SLC16A4: variants seen among roughly 807,000 people sequenced by gnomAD.
SLC16A4 encodes the protein solute carrier family 16 member 4.
A neutral mutation model predicts 47.9 loss-of-function variants in SLC16A4; 39 were observed. That is an observed-to-expected ratio of 0.81 (90% confidence interval 0.63 to 1.06). SLC16A4 has a LOEUF of 1.06. Ranked by LOEUF, SLC16A4 falls within the 50% of genes least tolerant of loss-of-function variation. SLC16A4 has a pLI of 0.00. For missense variants in SLC16A4, 524 were observed against 573.8 expected (o/e 0.91, Z 0.89); for synonymous variants, 189 against 199.9 (o/e 0.95, Z 0.46).
At chr1:110,383,884 C>G (rs183281323) in intron 2 of SLC16A4, among the ~76,000 whole-genome samples, 1 of 140,942 alleles carries the variant, frequency 7.1e-6, no homozygotes, top group Admixed American at 7.7e-5. Context: ...CTAAGTTTCC[C>G]CCAAAGTTAG....
rs1326324266 is a variant in SLC16A4, at chr1:110,381,154, A to G, written c.365-11T>C. 6.2e-7 allele frequency: 1 copy of G among 1,612,662 alleles called. No homozygotes were observed. The highest frequency in any genetic ancestry group is 1.3e-5 in the African/African-American group (1 of 74,808). Reference sequence around the variant, plus strand: ...AAGCAGAACCCAAACCTAAAAGAAAAACGTAATAGTTTAGAATCACTCTTA... The same window carrying G: ...AAGCAGAACCCAAACCTAAAAGAAAGACGTAATAGTTTAGAATCACTCTTA... On this transcript the variant is annotated splice_polypyrimidine_tract_variant and intron_variant, in intron 4 of 8. Coordinates refer to ENST00000369779, the MANE Select transcript of SLC16A4 (RefSeq NM_004696.3).
intron 8 of SLC16A4, among the ~76,000 whole-genome samples, chr1:110,364,616 T>C (rs1044397826): frequency 1.3e-5 from 2 of 150,972 alleles, no homozygotes; most frequent in African/African-American, 4.9e-5. Context: ...GTTCAAGCAG[T>C]TCTCCTGCCT....
intron 6 of SLC16A4, among the ~76,000 whole-genome samples, chr1:110,377,647 T>C (rs989312124): frequency 6.6e-6 from 1 of 152,180 alleles, no homozygotes; most frequent in Non-Finnish European, 1.5e-5. Flanking sequence ...TACGAAGTTT[T>C]AGGAAGTAAG....
intron 2 of SLC16A4, among the ~76,000 whole-genome samples, chr1:110,383,167 T>C (rs1467141353): frequency 6.6e-6 from 1 of 152,204 alleles, no homozygotes; most frequent in Non-Finnish European, 1.5e-5. Flanking sequence ...TGGAAACATC[T>C]CATTTAATCC....
At position 110,382,332 on chromosome 1, in the gene SLC16A4, G is replaced by A. The variant is rs531739439; in HGVS notation, c.220+502C>T. 1.6e-3 allele frequency among the ~76,000 whole-genome samples: 240 copies of A among 152,166 alleles called. 2 individuals are homozygous for A. Among genetic ancestry groups the A allele is most frequent in the African/African-American group, 5.2e-3 (217 of 41,524 alleles). ...AAATTAGCCAGGCATGGTGGCGGGCGCCTGTAATCCCAGCTAGTTGGGAGG... is the reference window on the plus strand; with the variant it reads ...AAATTAGCCAGGCATGGTGGCGGGCACCTGTAATCCCAGCTAGTTGGGAGG... On this transcript the variant is annotated intron_variant, in intron 3 of 8. Transcript: ENST00000369779.
In SLC16A4 at chr1:110,375,504, G is replaced by A. The variant is rs150710489; in HGVS notation, c.1290C>T (p.Ala430=). 9.0e-5 allele frequency: 145 copies of A among 1,613,346 alleles called. 1 individual carries two copies. In the African/African-American group the frequency reaches 1.7e-3, roughly 19 times the overall value. ...GGACAGCCATCCCAGCAAAGAAACT[G>A]GCAAGTCCCAAAAACCTGTTTACTG... is the stretch of plus-strand genomic sequence containing the variant. ...NSTVNRFLGL[A]SFFAGMAVLS... is the part of the protein sequence containing the mutation. The change falls in exon 8 of 9, where the codon GCC becomes GCT. Residue 430 remains alanine (A), a synonymous_variant. Transcript: ENST00000369779.
chr1:110,366,997 T>G lies in SLC16A4; in HGVS notation c.1337-3104A>C, dbSNP rs943113320. Among the ~76,000 whole-genome samples, 6 of 152,232 alleles carry G rather than the reference T, an allele frequency of 3.9e-5. No individual in the cohort carries two copies. In the East Asian group the frequency reaches 1.2e-3, roughly 29 times the overall value. On this transcript the variant is annotated intron_variant, in intron 8 of 8. Coordinates refer to ENST00000369779, the MANE Select transcript of SLC16A4 (RefSeq NM_004696.3). ...TAGTATACAGCTGAGTATTTAGTTT[T>G]AGGATGCTGTTTATACTAGCAAATA...
intron 6 of SLC16A4, 119 bp from the exon 7 acceptor site, chr1:110,377,280 AT>A (rs1211507286): frequency 2.7e-5 from 21 of 771,748 alleles, no homozygotes; most frequent in South Asian, 5.4e-5. Context: ...GAGGAAAAAA[AT>A]GATTTGATTT....
chr1:110,384,639 C>G (rs61787382), intron 2 of SLC16A4, among the ~76,000 whole-genome samples: 7 of 152,178 alleles, frequency 4.6e-5, no homozygotes, highest in Admixed American at 2.6e-4. Context: ...CCCAGGTGTA[C>G]TCTCTGTCTC....
chr1:110,377,007 G>A lies in SLC16A4; in HGVS notation c.1185C>T (p.Tyr395=). 6.2e-7 allele frequency: 1 copy of A among 1,614,130 alleles called. No individual in the cohort carries two copies. Among genetic ancestry groups the A allele is most frequent in the Non-Finnish European group, 8.5e-7 (1 of 1,180,006 alleles). Residue 395 remains tyrosine (Y), a synonymous_variant, in exon 7 of 9, where the codon TAC becomes TAT. Coordinates refer to ENST00000369779, the MANE Select transcript of SLC16A4 (RefSeq NM_004696.3). Reference sequence around the variant, plus strand: ...CAGCAAAGATGGCAAAGCAGATGGTGTAGGTCATAAGTAGTGGAAATGTGG... The same window carrying A: ...CAGCAAAGATGGCAAAGCAGATGGTATAGGTCATAAGTAGTGGAAATGTGG... ...LATTFPLLMT[Y]TICFAIFAGG...
chr1:110,377,800 A>T (rs1177412394), intron 6 of SLC16A4, among the ~76,000 whole-genome samples: 1 of 152,086 alleles, frequency 6.6e-6, no homozygotes, highest in Non-Finnish European at 1.5e-5. Context: ...GTCAACTAAA[A>T]TAGTTGTTTT....
chr1:110,385,913 C>T (rs1315087645), intron 2 of SLC16A4, among the ~76,000 whole-genome samples: 2 of 152,200 alleles, frequency 1.3e-5, no homozygotes, highest in East Asian at 1.9e-4. Context: ...AGAAAATATA[C>T]ACAGATCTCA....
At chr1:110,385,265 G>C (rs1242777851) in intron 2 of SLC16A4, among the ~76,000 whole-genome samples, 1 of 152,154 alleles carries the variant, frequency 6.6e-6, no homozygotes, top group Non-Finnish European at 1.5e-5. Context: ...AAACAACTTC[G>C]CACGTCACAT....
chr1:110,367,382 C>T (rs1440836907), intron 8 of SLC16A4, among the ~76,000 whole-genome samples: 2 of 152,144 alleles, frequency 1.3e-5, no homozygotes, highest in Non-Finnish European at 2.9e-5. Flanking sequence ...ACGGCTCATG[C>T]CTATAATCTT....
intron 2 of SLC16A4, among the ~76,000 whole-genome samples, chr1:110,383,478 C>T (rs975698074): frequency 6.6e-6 from 1 of 151,972 alleles, no homozygotes; most frequent in African/African-American, 2.4e-5. Context: ...TCTATCAAAG[C>T]TGCCCTTTTG....
chr1:110,368,732 T>C (rs368826024), intron 8 of SLC16A4, among the ~76,000 whole-genome samples: 6 of 152,186 alleles, frequency 3.9e-5, no homozygotes, highest in African/African-American at 1.4e-4. Context: ...AACCATTTTT[T>C]TTACAGTCAG....
intron 2 of SLC16A4, among the ~76,000 whole-genome samples, chr1:110,387,606 T>C (rs1021574579): frequency 1.3e-5 from 2 of 152,134 alleles, no homozygotes; most frequent in African/African-American, 4.8e-5. Context: ...TATTAGATGG[T>C]TTTTCCTATC....
intron 8 of SLC16A4, among the ~76,000 whole-genome samples, chr1:110,364,286 T>C (rs1186383422): frequency 1.3e-5 from 2 of 152,134 alleles, no homozygotes; most frequent in East Asian, 3.8e-4. Context: ...CCTGTTAATA[T>C]TGCTAGGTGT....
chr1:110,378,400 A>G (rs1662135374), intron 6 of SLC16A4, among the ~76,000 whole-genome samples: 1 of 152,226 alleles, frequency 6.6e-6, no homozygotes, highest in Non-Finnish European at 1.5e-5. Flanking sequence ...ACCATGAAGC[A>G]AAGTAACTTG....
Sources: gnomAD v4.1 joint callset for allele counts (sites outside exome capture counted in the v4.1 genomes callset) on GRCh38, gnomAD v4.1.1 for gene constraint, MANE v1.5 for transcripts, NCBI Gene and HGNC (gene_info 2026-07-23, HGNC 2026-07-21) for gene names.